The following OPCML variants were observed in gnomAD, a reference collection of about 807,000 sequenced individuals.
The protein encoded by OPCML is opioid binding protein/cell adhesion molecule like.
OPCML carries 13 observed loss-of-function variants against 37.8 expected under a neutral mutation model. The observed-to-expected ratio is 0.34, with a 90% CI of 0.22 to 0.55. The LOEUF is 0.55. OPCML is among the 20% of genes least tolerant of loss of function. OPCML has a pLI of 0.91. For synonymous variants in OPCML, 176 were observed against 168.8 expected (o/e 1.04, Z -0.33); for missense variants, 341 against 435.6 (o/e 0.78, Z 1.93).
intron 2 of OPCML, among the ~76,000 whole-genome samples, chr11:132,789,845 G>A (rs1010825152): frequency 6.6e-6 from 1 of 152,142 alleles, no homozygotes; most frequent in Non-Finnish European, 1.5e-5. Context: ...TAGAGCTGAA[G>A]GTGTCATCCA....
intron 1 of OPCML, among the ~76,000 whole-genome samples, chr11:133,283,412 C>T (rs1942214954): frequency 1.3e-5 from 2 of 151,818 alleles, no homozygotes; most frequent in African/African-American, 4.8e-5. Flanking sequence ...CACGCCTGCC[C>T]CCACCCCACC....
chr11:133,474,205 C>A (rs1378876040), intron 1 of OPCML, among the ~76,000 whole-genome samples: 1 of 152,180 alleles, frequency 6.6e-6, no homozygotes, highest in Non-Finnish European at 1.5e-5. Context: ...ATTGGCCAGT[C>A]TCTGACTGAA....
At chr11:133,317,001 C>A (rs569850471) in intron 1 of OPCML, among the ~76,000 whole-genome samples, 7 of 152,288 alleles carry the variant, frequency 4.6e-5, no homozygotes, top group Non-Finnish European at 1.0e-4. Context: ...AGCTTGAGAG[C>A]AGCCTGGCCA....
chr11:133,208,082 T>A lies in OPCML; in HGVS notation c.62-265072A>T, dbSNP rs1166498432. On this transcript the variant is annotated intron_variant, in intron 1 of 7. Transcript: ENST00000524381. The surrounding 1 kb of genome is among the most constrained non-coding windows in gnomAD (Gnocchi z 8.9). ...TTACTCTGAGCTCCCATAGCATTAT[T>A]TTTTTCTCTCTTCAGAGCATCTACC... is the stretch of plus-strand genomic sequence containing the variant. Among the ~76,000 whole-genome samples the A allele has an allele frequency of 6.6e-6, 1 of 152,174 alleles. No individual in the cohort carries two copies. Among genetic ancestry groups the A allele is most frequent in the Non-Finnish European group, 1.5e-5 (1 of 68,030 alleles).
intron 1 of OPCML, among the ~76,000 whole-genome samples, chr11:133,193,596 A>G (rs888295977): frequency 2.9e-4 from 44 of 152,324 alleles, no homozygotes; most frequent in African/African-American, 1.1e-3. Flanking sequence ...TTCTTTCATG[A>G]TAAACACCTG....
chr11:133,026,084 G>A, intron 1 of OPCML: 3 of 985,168 alleles, frequency 3.0e-6, no homozygotes, highest in Non-Finnish European at 3.6e-6. Context: ...GACTTGATGA[G>A]AAGTTTGGGC....
intron 1 of OPCML, chr11:133,026,246 C>G: frequency 1.6e-6 from 1 of 638,088 alleles, no homozygotes; most frequent in Non-Finnish European, 1.9e-6. Flanking sequence ...AGAGTTCCGC[C>G]TCTTTGCACT....
chr11:133,064,927 T>C (rs945066854), intron 1 of OPCML: 6 of 151,632 alleles, frequency 4.0e-5, no homozygotes, highest in African/African-American at 9.7e-5. Flanking sequence ...ATATGAAGCA[T>C]AGTACATGTT....
At chr11:132,756,398 G>A (rs1414812096) in intron 2 of OPCML, among the ~76,000 whole-genome samples, 1 of 152,136 alleles carries the variant, frequency 6.6e-6, no homozygotes, top group Non-Finnish European at 1.5e-5. Flanking sequence ...AAAACAAACA[G>A]AGACATATGA....
At chr11:133,311,788 A>G (rs1052819955) in intron 1 of OPCML, among the ~76,000 whole-genome samples, 14 of 152,212 alleles carry the variant, frequency 9.2e-5, no homozygotes, top group Admixed American at 3.9e-4. Flanking sequence ...ACTGGGGCAT[A>G]GAGAAATTAT....
intron 1 of OPCML, among the ~76,000 whole-genome samples, chr11:133,460,410 T>C (rs1946831058): frequency 6.6e-6 from 1 of 151,684 alleles, no homozygotes; most frequent in Non-Finnish European, 1.5e-5. Context: ...AGAAAATCAG[T>C]AAAATAAAGA....
intron 2 of OPCML, among the ~76,000 whole-genome samples, chr11:132,716,010 A>T (rs1220575663): frequency 6.6e-6 from 1 of 152,220 alleles, no homozygotes; most frequent in Non-Finnish European, 1.5e-5. Flanking sequence ...GTGCCAATTA[A>T]TTTTCAGAAA....
chr11:133,026,684 G>A (rs1040374437), intron 1 of OPCML: 1 of 663,110 alleles, frequency 1.5e-6, no homozygotes, highest in Non-Finnish European at 1.9e-6. Flanking sequence ...CTTACGATAA[G>A]GAACCTGTGT....
At chr11:132,456,054 G>C (rs2096081870) in intron 4 of OPCML, among the ~76,000 whole-genome samples, 1 of 152,154 alleles carries the variant, frequency 6.6e-6, no homozygotes, top group South Asian at 2.1e-4. Flanking sequence ...AGGTTTTGTA[G>C]TCTAGTGCTC....
intron 1 of OPCML, among the ~76,000 whole-genome samples, chr11:133,137,848 A>G (rs1325549064): frequency 6.6e-6 from 1 of 152,238 alleles, no homozygotes; most frequent in African/African-American, 2.4e-5. Context: ...ATGTCAGGAA[A>G]AATCGACATC....
At chr11:133,125,709 G>GTATATAGTATATATAGTATATATATAGTA (rs1949495510) in intron 1 of OPCML, among the ~76,000 whole-genome samples, 1 of 30,448 alleles carries the variant, frequency 3.3e-5, no homozygotes, top group Non-Finnish European at 6.7e-5. Context: ...TATATATAGT[G>GTATATAGTATATATAGTATATATATAGTA]TATATATATG....
chr11:132,749,858 G>T (rs1441654632), intron 2 of OPCML, among the ~76,000 whole-genome samples: 13 of 151,982 alleles, frequency 8.6e-5, no homozygotes, highest in Admixed American at 8.5e-4. Flanking sequence ...CATTGAATTT[G>T]TTTATTTATT....
intron 1 of OPCML, among the ~76,000 whole-genome samples, chr11:133,398,246 T>C (rs559803888): frequency 6.6e-6 from 1 of 152,346 alleles, no homozygotes; most frequent in Non-Finnish European, 1.5e-5. Context: ...TCGTCTCTGA[T>C]CTTCAGCTTT....
intron 3 of OPCML, among the ~76,000 whole-genome samples, chr11:132,630,286 A>G (rs1940012541): frequency 6.6e-6 from 1 of 152,178 alleles, no homozygotes; most frequent in Non-Finnish European, 1.5e-5. Flanking sequence ...AGGACTGGGC[A>G]CCGTGGCTCA....
Sources: gnomAD v4.1 joint callset for allele counts (sites outside exome capture counted in the v4.1 genomes callset) on GRCh38, gnomAD v4.1.1 for gene constraint, Gnocchi (gnomAD v3.1) non-coding constraint, MANE v1.5 for transcripts, NCBI Gene and HGNC (gene_info 2026-07-23, HGNC 2026-07-21) for gene names.